MITF: variants seen among roughly 807,000 people sequenced by gnomAD.
The protein encoded by MITF is melanocyte inducing transcription factor, also known as microphthalmia-associated transcription factor.
A neutral mutation model predicts 60.5 loss-of-function variants in MITF; 17 were observed. The observed-to-expected ratio is 0.28, with a 90% confidence interval of 0.19 to 0.42. MITF has a LOEUF of 0.42. Ranked by LOEUF, MITF falls within the 10% of genes least tolerant of loss-of-function variation. The probability of loss-of-function intolerance (pLI) is 1.00; values close to 1 mark genes in which losing one functional copy is unlikely to be tolerated. For missense variants in MITF, 622 were observed against 683.5 expected (o/e 0.91, Z 1.00); for synonymous variants, 260 against 248.5 (o/e 1.05, Z -0.43).
At chr3:69,829,294 A>G (rs779647348) in intron 1 of MITF, among the ~76,000 whole-genome samples, 5 of 152,232 alleles carry the variant, frequency 3.3e-5, no homozygotes, top group African/African-American at 4.8e-5. Context: ...AGGAACCTGC[A>G]TCATGATGAC....
At chr3:69,745,676 T>G (rs1381503697) in intron 1 of MITF, among the ~76,000 whole-genome samples, 1 of 152,190 alleles carries the variant, frequency 6.6e-6, no homozygotes, top group African/African-American at 2.4e-5. Context: ...TGATGATACC[T>G]CATGGTGGCA....
intron 1 of MITF, among the ~76,000 whole-genome samples, chr3:69,795,796 C>G (rs1481175523): frequency 1.3e-5 from 2 of 151,956 alleles, no homozygotes; most frequent in Non-Finnish European, 2.9e-5. Flanking sequence ...TCATACAAAG[C>G]TAATATATTA....
At chr3:69,848,681 A>G (rs1018215689) in intron 1 of MITF, among the ~76,000 whole-genome samples, 2 of 152,160 alleles carry the variant, frequency 1.3e-5, no homozygotes, top group African/African-American at 4.8e-5. Flanking sequence ...ATGTTTTCAG[A>G]TGCTTGTTGT....
intron 1 of MITF, among the ~76,000 whole-genome samples, chr3:69,773,232 A>T (rs1320333642): frequency 1.3e-5 from 2 of 152,192 alleles, no homozygotes; most frequent in African/African-American, 4.8e-5. Context: ...CGGCTGGACC[A>T]GGCTGAGCAA....
chr3:69,898,126 G>T (rs1193422464), intron 2 of MITF, among the ~76,000 whole-genome samples: 1 of 152,204 alleles, frequency 6.6e-6, no homozygotes, highest in African/African-American at 2.4e-5. Context: ...CCAGACAGGA[G>T]AGGGGCACAG....
chr3:69,911,178 G>A (rs911451096), intron 2 of MITF, among the ~76,000 whole-genome samples: 2 of 152,034 alleles, frequency 1.3e-5, no homozygotes, highest in African/African-American at 4.8e-5. Context: ...ATTTTCTCTT[G>A]CTGCCACCAT....
chr3:69,852,182 T>A (rs1422287555), intron 1 of MITF, among the ~76,000 whole-genome samples: 2 of 152,176 alleles, frequency 1.3e-5, no homozygotes, highest in Non-Finnish European at 2.9e-5. Context: ...TTTTAAAGTA[T>A]TTTTAGTAAA....
At position 69,750,117 on chromosome 3, in the gene MITF, A is replaced by G. The variant is rs1374127699; in HGVS notation, c.104+10416A>G. Among the ~76,000 whole-genome samples, 5 of 152,154 alleles carry G rather than the reference A, an allele frequency of 3.3e-5. No homozygotes were observed. In the East Asian group the frequency reaches 5.8e-4, roughly 18 times the overall value. On this transcript the variant is annotated intron_variant, in intron 1 of 9. Transcript: ENST00000352241. ...TGGGAATCAATGATACCACATGTCA[A>G]TCTGCTGTCCTTAGGGAGTCTCTCC...
chr3:69,844,273 A>G (rs1183662906), intron 1 of MITF, among the ~76,000 whole-genome samples: 8 of 152,200 alleles, frequency 5.3e-5, no homozygotes, highest in Non-Finnish European at 7.3e-5. Flanking sequence ...CAAAACAGAT[A>G]TATAGAACAA....
chr3:69,851,744 G>A (rs2063827682), intron 1 of MITF, among the ~76,000 whole-genome samples: 2 of 152,262 alleles, frequency 1.3e-5, no homozygotes, highest in Admixed American at 6.5e-5. Flanking sequence ...GTGGTGACAT[G>A]GCTCTGTGCA....
chr3:69,867,431 G>T (rs1273971474), intron 1 of MITF, among the ~76,000 whole-genome samples: 1 of 152,098 alleles, frequency 6.6e-6, no homozygotes, highest in East Asian at 1.9e-4. Context: ...TTTTAAAAAT[G>T]ATTTCTAACT....
intron 1 of MITF, among the ~76,000 whole-genome samples, chr3:69,758,229 A>G (rs2062159786): frequency 6.6e-6 from 1 of 151,472 alleles, no homozygotes. Flanking sequence ...GAGTGCGGGG[A>G]TGCAATCATA....
At chr3:69,834,139 T>C (rs1445468529) in intron 1 of MITF, among the ~76,000 whole-genome samples, 2 of 152,244 alleles carry the variant, frequency 1.3e-5, no homozygotes, top group African/African-American at 2.4e-5. Context: ...TGTCATCTCA[T>C]GCATATGTGT....
At chr3:69,778,761 T>C (rs1200632674) in intron 1 of MITF, 1 of 152,222 alleles carries the variant, frequency 6.6e-6, no homozygotes. Context: ...GTATGTTAAA[T>C]ACATTTTTCC....
chr3:69,928,163 T>C (rs1285713185), intron 2 of MITF, among the ~76,000 whole-genome samples: 1 of 152,220 alleles, frequency 6.6e-6, no homozygotes, highest in Non-Finnish European at 1.5e-5. Flanking sequence ...AATGCTCTAA[T>C]AGATGTCTGT....
At chr3:69,772,445 A>G (rs2062408218) in intron 1 of MITF, among the ~76,000 whole-genome samples, 2 of 152,184 alleles carry the variant, frequency 1.3e-5, no homozygotes, top group African/African-American at 4.8e-5. Flanking sequence ...TAAGCAAACC[A>G]TCCTTTTCTG....
chr3:69,781,847 A>G (rs2062570239), intron 1 of MITF, among the ~76,000 whole-genome samples: 1 of 152,188 alleles, frequency 6.6e-6, no homozygotes, highest in Non-Finnish European at 1.5e-5. Context: ...GGAACAGCAT[A>G]TCTCTTGTCG....
At chr3:69,840,453 C>G (rs1449529427) in intron 1 of MITF, among the ~76,000 whole-genome samples, 1 of 152,018 alleles carries the variant, frequency 6.6e-6, no homozygotes, top group Admixed American at 6.5e-5. Flanking sequence ...TTGCTCCTTT[C>G]AATGAGAGAA....
chr3:69,763,486 A>C (rs1446295723), intron 1 of MITF: 1 of 1,075,714 alleles, frequency 9.3e-7, no homozygotes. Context: ...TTAAGTAGGC[A>C]GCAATTACTG....
Sources: allele counts gnomAD v4.1 joint callset (sites outside exome capture counted in the v4.1 genomes callset), GRCh38; gene constraint gnomAD v4.1.1; transcripts MANE v1.5; gene names NCBI Gene and HGNC (gene_info 2026-07-23, HGNC 2026-07-21).